Variants in NDUFAF6 observed in about 807,000 individuals in gnomAD.
NDUFAF6 encodes NADH:ubiquinone oxidoreductase complex assembly factor 6, also known as NADH dehydrogenase (ubiquinone) complex I, assembly factor 6.
A neutral mutation model predicts 40.8 loss-of-function variants in NDUFAF6; 45 were observed. The ratio of observed to expected loss-of-function variants is 1.10; its 90% CI spans 0.87 to 1.42. The LOEUF (loss-of-function observed/expected upper bound fraction) is 1.42. NDUFAF6 is among the 40% of genes most tolerant of loss of function. NDUFAF6 has a pLI of 0.00. For synonymous variants in NDUFAF6, 185 were observed against 155.9 expected (o/e 1.19, Z -1.39); for missense variants, 435 against 418.5 (o/e 1.04, Z -0.34).
At position 95,036,727 on chromosome 8, in the gene NDUFAF6, C is replaced by T. The variant is rs141562675; in HGVS notation, c.420+1151C>T. 1.6e-3 allele frequency among the ~76,000 whole-genome samples: 242 copies of T among 152,302 alleles called. 1 individual carries two copies. In the Middle Eastern group the frequency reaches 0.031, roughly 19 times the overall value. On this transcript the variant is annotated intron_variant, in intron 3 of 8. Transcript: ENST00000396124. ...AGTCCTTTGATGCAAATTTATCTTT[C>T]CTTGGCTTCCCTTAAAAAACCAGAA...
intron 1 of NDUFAF6, among the ~76,000 whole-genome samples, chr8:94,896,858 C>A (rs116473533): frequency 0.05 from 7,556 of 152,294 alleles, 246 homozygotes; most frequent in Middle Eastern, 0.065. Flanking sequence ...TCTCGTGACG[C>A]CGGCAAAATA....
chr8:94,914,442 C>T (rs1397584085), intron 1 of NDUFAF6, among the ~76,000 whole-genome samples: 1 of 152,176 alleles, frequency 6.6e-6, no homozygotes, highest in Non-Finnish European at 1.5e-5. Flanking sequence ...ACCTCTCAAA[C>T]ATTTTAGATG....
chr8:95,051,942 G>T (rs760600688), intron 7 of NDUFAF6, among the ~76,000 whole-genome samples: 1 of 152,104 alleles, frequency 6.6e-6, no homozygotes, highest in Non-Finnish European at 1.5e-5. Flanking sequence ...TTGTAAGGTC[G>T]CTGGAAAATG....
intron 3 of NDUFAF6, 57 bp from the exon 4 acceptor site, chr8:95,041,513 T>G (rs942075507): frequency 2.5e-6 from 3 of 1,210,304 alleles, no homozygotes; most frequent in Admixed American, 1.7e-5. Flanking sequence ...TTTATTCAGA[T>G]CTACAGAAGT....
Position 95,052,205 on chromosome 8 carries a change from A to T in NDUFAF6, c.848A>T (p.Lys283Ile), listed in dbSNP as rs923860076. The T allele has an allele frequency of 1.9e-6, 3 of 1,614,110 alleles. No individual in the cohort carries two copies. The highest frequency in any genetic ancestry group is 2.5e-6 in the Non-Finnish European group (3 of 1,179,998). ...ARSFHKTVPVKAFPAFLQTVS... is the reference protein window; with the variant it reads ...ARSFHKTVPVIAFPAFLQTVS... ...TCCTTTCACAAAACTGTTCCTGTGA[A>T]AGCATTTCCTGCTTTTCTTCAGACG... The change falls in exon 8 of 9, where the codon AAA (lysine) becomes ATA (isoleucine). Residue 283 changes from lysine (K) to isoleucine (I), a missense_variant. Transcript: ENST00000396124.
chr8:95,020,178 G>A (rs186414634), upstream of NDUFAF6, among the ~76,000 whole-genome samples: 7 of 152,270 alleles, frequency 4.6e-5, no homozygotes, highest in East Asian at 1.4e-3. Context: ...CAGCCTGGGC[G>A]ACAAGAGTGA....
chr8:95,100,864 C>A (rs1439255602), intron 1 of NDUFAF6, among the ~76,000 whole-genome samples: 1 of 152,110 alleles, frequency 6.6e-6, no homozygotes, highest in East Asian at 1.9e-4. Context: ...CTCAGCAAAA[C>A]CAAGTTATTT....
At chr8:95,052,284 C>T (rs1027953008) in intron 8 of NDUFAF6, 54 bp downstream of exon 8, 2 of 1,557,076 alleles carry the variant, frequency 1.3e-6, no homozygotes, top group Non-Finnish European at 8.9e-7. Flanking sequence ...TGTGTATGAT[C>T]TGTTTTTATA....
chr8:94,910,883 GTAT>G (rs1818737621), intron 1 of NDUFAF6, among the ~76,000 whole-genome samples: 1 of 152,102 alleles, frequency 6.6e-6, no homozygotes, highest in African/African-American at 2.4e-5. Flanking sequence ...CTATAGTATA[GTAT>G]AGAATATATC....
At position 95,005,577 on chromosome 8, in the gene NDUFAF6, ATATTTAT is replaced by A. The variant is rs543250549; in HGVS notation, c.-84+24617_-84+24623del. Among the ~76,000 whole-genome samples, 436 of 140,594 alleles carry A rather than the reference ATATTTAT, an allele frequency of 3.1e-3. 6 individuals carry two copies. The highest frequency in any genetic ancestry group is 0.011 in the African/African-American group (417 of 37,158). The allele number at this position is 140,594 out of a possible 152,430, so 92.2% of individuals were successfully genotyped here. A position where few individuals can be genotyped will look rare whatever the true frequency, so the allele number is the denominator to read the frequency against. On this transcript the variant is annotated intron_variant, in intron 2 of 9. Coordinates refer to the NDUFAF6 transcript ENST00000396111. ...TAAAAAATATATTAACATAAATAATATATTTATTATTTATTATTTTTATTATTATAAG... is the reference window on the plus strand; with the variant it reads ...TAAAAAATATATTAACATAAATAATATATTTATTATTTTTATTATTATAAG...
chr8:95,087,475 G>C (rs1809090810), intron 2 of NDUFAF6, among the ~76,000 whole-genome samples: 1 of 152,024 alleles, frequency 6.6e-6, no homozygotes, highest in Non-Finnish European at 1.5e-5. Flanking sequence ...TTGTTCTTCT[G>C]CATTTTTCTG....
chr8:94,928,973 T>TA (rs1431537852), intron 1 of NDUFAF6: 2 of 152,648 alleles, frequency 1.3e-5, no homozygotes, highest in Non-Finnish European at 2.9e-5. Flanking sequence ...GGATTGTAAA[T>TA]ATGTTTACTT....
At chr8:95,005,373 C>T (rs1826917655) in intron 2 of NDUFAF6, among the ~76,000 whole-genome samples, 1 of 151,726 alleles carries the variant, frequency 6.6e-6, no homozygotes, top group Admixed American at 6.6e-5. Context: ...GTCTCTTACA[C>T]CCCTTCCTGG....
chr8:94,918,167 C>T (rs1051126570), intron 1 of NDUFAF6, among the ~76,000 whole-genome samples: 2 of 152,176 alleles, frequency 1.3e-5, no homozygotes, highest in Admixed American at 1.3e-4. Context: ...CAATCTGACT[C>T]CCTTCCTGAT....
intron 2 of NDUFAF6, among the ~76,000 whole-genome samples, chr8:95,092,268 G>A (rs1809277922): frequency 6.7e-6 from 1 of 148,968 alleles, no homozygotes; most frequent in Non-Finnish European, 1.5e-5. Context: ...TGCAATCTCC[G>A]CATCCCAGGT....
chr8:95,074,950 A>G (rs1003204520), intron 9 of NDUFAF6, among the ~76,000 whole-genome samples: 4 of 152,218 alleles, frequency 2.6e-5, no homozygotes, highest in East Asian at 1.9e-4. Flanking sequence ...CAAAGAAAGC[A>G]GGAATGATTA....
chr8:95,005,554 A>ATATATATATATATATATAT lies in NDUFAF6; in HGVS notation c.-84+24581_-84+24582insTATATATATATATATATAT, dbSNP rs1554657858. Among the ~76,000 whole-genome samples the ATATATATATATATATATAT allele has an allele frequency of 2.1e-3, 247 of 115,306 alleles. 6 individuals carry two copies. The highest frequency in any genetic ancestry group is 4.5e-3 in the African/African-American group (121 of 26,766). The allele number at this position is 115,306 out of a possible 152,430, so 75.6% of individuals were successfully genotyped here. On this transcript the variant is annotated intron_variant, in intron 2 of 9. Coordinates refer to the NDUFAF6 transcript ENST00000396111. ...ATATATATATATATATATATATATA[A>ATATATATATATATATATAT]AAAATATATTAACATAAATAATATA... is the stretch of plus-strand genomic sequence containing the variant.
chr8:95,021,137 T>C (rs1827676704), upstream of NDUFAF6, among the ~76,000 whole-genome samples: 1 of 152,180 alleles, frequency 6.6e-6, no homozygotes. Flanking sequence ...CCAGACAAGC[T>C]TAGCAGTGGG....
chr8:94,998,416 ACG>A (rs1419576909), intron 2 of NDUFAF6, among the ~76,000 whole-genome samples: 2 of 150,622 alleles, frequency 1.3e-5, no homozygotes, highest in African/African-American at 2.5e-5. Context: ...ACACACACAC[ACG>A]CAATGACAGC....
Sources: allele counts gnomAD v4.1 joint callset (sites outside exome capture counted in the v4.1 genomes callset), GRCh38; gene constraint gnomAD v4.1.1; transcripts MANE v1.5; gene names NCBI Gene and HGNC (gene_info 2026-07-23, HGNC 2026-07-21).